UNC5C: variants seen among roughly 807,000 people sequenced by gnomAD.
UNC5C encodes unc-5 netrin receptor C.
Under a neutral mutation model 99.8 loss-of-function variants are expected in UNC5C, and 47 were observed. That is an observed-to-expected ratio of 0.47 (90% confidence interval 0.37 to 0.60). UNC5C has a LOEUF of 0.60. UNC5C is among the 20% of genes least tolerant of loss of function. UNC5C has a pLI of 0.00. For missense variants in UNC5C, 1,062 were observed against 1,165.9 expected, an observed-to-expected ratio of 0.91 and a Z score of 1.30; for synonymous variants, 487 against 452.2, an observed-to-expected ratio of 1.08 and a Z score of -0.98.
chr4:95,380,117 TTC>T (rs1745021119), intron 1 of UNC5C, among the ~76,000 whole-genome samples: 1 of 152,200 alleles, frequency 6.6e-6, no homozygotes, highest in African/African-American at 2.4e-5. Flanking sequence ...GTTGTCTTGA[TTC>T]GCTGCTTCTT....
Position 95,323,747 on chromosome 4 carries a change from A to C in UNC5C, c.346+11663T>G, listed in dbSNP as rs377371186. 1.6e-4 allele frequency among the ~76,000 whole-genome samples: 24 copies of C among 152,300 alleles called. No individual in the cohort carries two copies. In the South Asian group the frequency reaches 4.4e-3, roughly 28 times the overall value. Reference sequence around the variant, plus strand: ...GATTACAGTTGACAAATAGTAAATAAGGTTTTCGGGTCAGGTGCGGTGGCT... The same window carrying C: ...GATTACAGTTGACAAATAGTAAATACGGTTTTCGGGTCAGGTGCGGTGGCT... On this transcript the variant is annotated intron_variant, in intron 2 of 15. Transcript: ENST00000453304.
chr4:95,286,727 G>T (rs2149397755), intron 3 of UNC5C, among the ~76,000 whole-genome samples: 1 of 152,206 alleles, frequency 6.6e-6, no homozygotes, highest in Admixed American at 6.5e-5. Context: ...ATGGAGATGT[G>T]GGTACAAAAC....
At chr4:95,490,214 T>C (rs1286217704) in intron 1 of UNC5C, among the ~76,000 whole-genome samples, 2 of 151,542 alleles carry the variant, frequency 1.3e-5, no homozygotes, top group Non-Finnish European at 3.0e-5. Flanking sequence ...AGGGGTCACA[T>C]TGGCCAAAAT....
At chr4:95,420,876 G>A (rs1387312404) in intron 1 of UNC5C, among the ~76,000 whole-genome samples, 2 of 152,156 alleles carry the variant, frequency 1.3e-5, no homozygotes, top group Non-Finnish European at 2.9e-5. Context: ...AAGCTGCTTT[G>A]ATCAAATTCT....
At chr4:95,500,306 T>C (rs1325942195) in intron 1 of UNC5C, among the ~76,000 whole-genome samples, 2 of 152,070 alleles carry the variant, frequency 1.3e-5, no homozygotes, top group Non-Finnish European at 2.9e-5. Flanking sequence ...TTCTACCCAT[T>C]TGGTTTCTTG....
chr4:95,543,085 G>A (rs1265174448), intron 1 of UNC5C, among the ~76,000 whole-genome samples: 1 of 151,972 alleles, frequency 6.6e-6, no homozygotes, highest in Non-Finnish European at 1.5e-5. Flanking sequence ...AAGAGATACT[G>A]GAATAATACC....
rs2149341330 is a variant in UNC5C, at chr4:95,165,963, A to G, written c.*3271T>C. The G allele has an allele frequency of 1.3e-5, 2 of 152,222 alleles. No individual in the cohort carries two copies. Among genetic ancestry groups the G allele is most frequent in the East Asian group, 3.9e-4 (2 of 5,180 alleles). 9.4% of individuals were successfully genotyped at this position (152,222 alleles called of 1,614,324 possible). On this transcript the variant is annotated 3_prime_UTR_variant, in exon 16 of 16. Coordinates refer to ENST00000453304, the MANE Select transcript of UNC5C (RefSeq NM_003728.4). ...AATATTGAGATGAGTGATGCAAATGAAAAAAAAGTGAGAATAAGAAAATTA... is the reference window on the plus strand; with the variant it reads ...AATATTGAGATGAGTGATGCAAATGGAAAAAAAGTGAGAATAAGAAAATTA...
intron 1 of UNC5C, among the ~76,000 whole-genome samples, chr4:95,544,886 A>C (rs1301781606): frequency 2.6e-5 from 4 of 152,236 alleles, no homozygotes; most frequent in African/African-American, 9.6e-5. Flanking sequence ...GTTTCTTCTG[A>C]GAGTGACTCC....
At chr4:95,344,482 A>T (rs1743697093) in intron 1 of UNC5C, among the ~76,000 whole-genome samples, 2 of 152,132 alleles carry the variant, frequency 1.3e-5, no homozygotes, top group South Asian at 4.1e-4. Context: ...GTTAATGAGC[A>T]ATAAGAAATT....
intron 2 of UNC5C, among the ~76,000 whole-genome samples, chr4:95,312,288 T>C (rs942200966): frequency 5.9e-5 from 9 of 152,170 alleles, no homozygotes; most frequent in African/African-American, 1.9e-4. Context: ...TAGTTGTTCA[T>C]TGAGCATAGG....
At chr4:95,303,625 G>T (rs1046399762) in intron 2 of UNC5C, among the ~76,000 whole-genome samples, 1 of 152,152 alleles carries the variant, frequency 6.6e-6, no homozygotes, top group Non-Finnish European at 1.5e-5. Context: ...GCAGTGAGCC[G>T]AGATCGCACC....
intron 1 of UNC5C, among the ~76,000 whole-genome samples, chr4:95,361,649 A>G (rs1744397607): frequency 6.6e-6 from 1 of 152,172 alleles, no homozygotes; most frequent in Admixed American, 6.5e-5. Context: ...TCCAAATCAA[A>G]GCAAACAAAA....
At chr4:95,452,700 T>C (rs1361163094) in intron 1 of UNC5C, among the ~76,000 whole-genome samples, 1 of 152,158 alleles carries the variant, frequency 6.6e-6, no homozygotes, top group African/African-American at 2.4e-5. Flanking sequence ...TAATGCCTCG[T>C]CTATGAAGGA....
intron 3 of UNC5C, among the ~76,000 whole-genome samples, chr4:95,286,876 T>G (rs1216427668): frequency 6.6e-6 from 1 of 152,192 alleles, no homozygotes; most frequent in Non-Finnish European, 1.5e-5. Context: ...TGAGATTTTT[T>G]TTTCTAACTG....
In UNC5C at chr4:95,170,206, G is replaced by A; in HGVS notation, c.2578C>T (p.Gln860Ter). Residue 860 changes from glutamine (Q) to a stop codon, truncating the protein, a stop_gained, in exon 15 of 16, where the codon CAG (glutamine) becomes TAG (stop). Transcript: ENST00000453304. LOFTEE classifies it high-confidence loss of function. ...QKLCSSLDAP[Q>*]TRGHDWRMLA... ...ATCCTCCAGTCATGGCCTCTCGTCT[G>A]GGGGGCATCCAGGCTGCTACAGAGC... The A allele has an allele frequency of 6.2e-7, 1 of 1,614,122 alleles. No individual in the cohort carries two copies. Among genetic ancestry groups the A allele is most frequent in the Non-Finnish European group, 8.5e-7 (1 of 1,180,030 alleles).
chr4:95,248,881 G>A (rs973992151), intron 5 of UNC5C, among the ~76,000 whole-genome samples: 1 of 152,130 alleles, frequency 6.6e-6, no homozygotes, highest in African/African-American at 2.4e-5. Flanking sequence ...AAAGTCTACA[G>A]CAGTGTAGAG....
chr4:95,346,939 AT>A (rs1304349296), intron 1 of UNC5C, among the ~76,000 whole-genome samples: 8 of 152,002 alleles, frequency 5.3e-5, no homozygotes. Context: ...GAGAAAAAAA[AT>A]AAAGGGCATC....
rs1578179739 is a variant in UNC5C at position 95,468,125 on chromosome 4, TG to T, written c.124+80608del. 3.9e-5 allele frequency among the ~76,000 whole-genome samples: 4 copies of T among 102,356 alleles called. No homozygotes were observed. In the East Asian group the frequency reaches 9.4e-4, roughly 24 times the overall value. 67.1% of individuals were successfully genotyped at this position (102,356 alleles called of 152,430 possible). A position where few individuals can be genotyped will look rare whatever the true frequency, so the allele number is the denominator to read the frequency against. Reference sequence around the variant, plus strand: ...GAAATACATCATAATATCTGTTTTTTGGGTTTTTTTTTTTTTTGTTTTTTCA... The same window carrying T: ...GAAATACATCATAATATCTGTTTTTTGGTTTTTTTTTTTTTTGTTTTTTCA... On this transcript the variant is annotated intron_variant, in intron 1 of 15. Transcript: ENST00000453304.
At chr4:95,532,549 C>A (rs888081508) in intron 1 of UNC5C, among the ~76,000 whole-genome samples, 1 of 151,656 alleles carries the variant, frequency 6.6e-6, no homozygotes, top group Non-Finnish European at 1.5e-5. Flanking sequence ...CTGTACTCAT[C>A]ATGCTGGCCT....
Sources: allele counts gnomAD v4.1 joint callset (sites outside exome capture counted in the v4.1 genomes callset), GRCh38; gene constraint gnomAD v4.1.1; transcripts MANE v1.5; gene names NCBI Gene and HGNC (gene_info 2026-07-23, HGNC 2026-07-21).